The following ARID1A variants were observed in gnomAD, a reference collection of about 807,000 sequenced individuals.
ARID1A encodes the protein AT-rich interactive domain-containing protein 1A.
Under a neutral mutation model 212.6 loss-of-function variants are expected in ARID1A, and 20 were observed. The ratio of observed to expected loss-of-function variants is 0.09; its 90% confidence interval spans 0.07 to 0.14. The LOEUF is 0.14. ARID1A is among the 10% of genes least tolerant of loss of function. The probability of loss-of-function intolerance (pLI) is 1.00; values close to 1 mark genes in which losing one functional copy is unlikely to be tolerated. For synonymous variants in ARID1A, 1,376 were observed against 1,222.1 expected, an observed-to-expected ratio of 1.13 and a Z score of -2.63; for missense variants, 2,587 against 3,059.0, an observed-to-expected ratio of 0.85 and a Z score of 3.64.
chr1:26,715,037 G>T (rs2080488722), intron 1 of ARID1A, among the ~76,000 whole-genome samples: 1 of 152,184 alleles, frequency 6.6e-6, no homozygotes, highest in Admixed American at 6.5e-5. Context: ...CTATGTATTA[G>T]AGAAATTTAG....
intron 1 of ARID1A, among the ~76,000 whole-genome samples, chr1:26,705,803 T>C (rs1422285097): frequency 1.3e-5 from 2 of 152,226 alleles, no homozygotes; most frequent in Non-Finnish European, 2.9e-5. Flanking sequence ...TTCTGTTTGT[T>C]TTTGTTAGTC....
At chr1:26,712,522 TAAA>T (rs55711175) in intron 1 of ARID1A, among the ~76,000 whole-genome samples, 1 of 152,016 alleles carries the variant, frequency 6.6e-6, no homozygotes, top group Non-Finnish European at 1.5e-5. Flanking sequence ...TTGTCTCTCT[TAAA>T]AAAAATTTTT....
intron 1 of ARID1A, among the ~76,000 whole-genome samples, chr1:26,701,406 A>G (rs915393085): frequency 6.6e-6 from 1 of 152,124 alleles, no homozygotes; most frequent in East Asian, 1.9e-4. Flanking sequence ...GGTCATTATC[A>G]TTACTGACGC....
At chr1:26,761,507 C>G (rs2080992035) in intron 6 of ARID1A, 34 bp downstream of exon 6, 1 of 1,607,182 alleles carries the variant, frequency 6.2e-7, no homozygotes, top group Non-Finnish European at 8.5e-7. Context: ...GGGCAGGGAG[C>G]TAGGGCAGAC....
intron 8 of ARID1A, chr1:26,765,524 G>A (rs2081031377): frequency 6.6e-6 from 1 of 151,188 alleles, no homozygotes; most frequent in African/African-American, 2.4e-5. Context: ...TTGCTATCTA[G>A]AGCTTGAACT....
At chr1:26,708,354 G>A (rs1180374762) in intron 1 of ARID1A, among the ~76,000 whole-genome samples, 2 of 124,222 alleles carry the variant, frequency 1.6e-5, no homozygotes, top group Admixed American at 1.1e-4. Context: ...GCGTGATCTC[G>A]GCTCACTGTA....
rs568390368 is a variant in ARID1A, at chr1:26,760,783, A to G, written c.1921-73A>G. 21 of 1,471,694 alleles carry G rather than the reference A, an allele frequency of 1.4e-5. No individual in the cohort carries two copies. The African/African-American group carries it at 2.8e-4, about 20-fold the overall frequency. 91.2% of individuals were successfully genotyped at this position (1,471,694 alleles called of 1,614,324 possible). A position where few individuals can be genotyped will look rare whatever the true frequency, so the allele number is the denominator to read the frequency against. On this transcript the variant is annotated intron_variant, in intron 4 of 19. Coordinates refer to ENST00000324856, the MANE Select transcript of ARID1A (RefSeq NM_006015.6). ...GGTTGTTTAAGGAAAATGCTAAGCAAGTAGTAGGATTATTGAAAGTAGAAT... is the reference window on the plus strand; with the variant it reads ...GGTTGTTTAAGGAAAATGCTAAGCAGGTAGTAGGATTATTGAAAGTAGAAT...
intron 1 of ARID1A, among the ~76,000 whole-genome samples, chr1:26,698,757 C>T (rs1014916257): frequency 6.6e-6 from 1 of 152,102 alleles, no homozygotes; most frequent in Non-Finnish European, 1.5e-5. Flanking sequence ...ACACTGGTTG[C>T]TTTGCAGAAT....
At position 26,744,529 on chromosome 1, in the gene ARID1A, G is replaced by A. The variant is rs181531337; in HGVS notation, c.1920+11737G>A. Among the ~76,000 whole-genome samples, 124 of 152,228 alleles carry A rather than the reference G, an allele frequency of 8.1e-4. 1 individual carries two copies. The highest frequency in any genetic ancestry group is 1.4e-3 in the Non-Finnish European group (97 of 68,026). On this transcript the variant is annotated intron_variant, in intron 4 of 19. Coordinates refer to ENST00000324856, the MANE Select transcript of ARID1A (RefSeq NM_006015.6). ...ATTTTACCTTGTTTTTCAGTTTGTCGTCAGCCCTGCTGTAGGAAGTTAAGT... is the reference window on the plus strand; with the variant it reads ...ATTTTACCTTGTTTTTCAGTTTGTCATCAGCCCTGCTGTAGGAAGTTAAGT...
chr1:26,696,880 T>TGCCGTCGCC lies in ARID1A; in HGVS notation c.482_490dup (p.Val161_Ala163dup). The TGCCGTCGCC allele has an allele frequency of 7.4e-7, 1 of 1,358,384 alleles. No individual in the cohort carries two copies. The highest frequency in any genetic ancestry group is 9.5e-7 in the Non-Finnish European group (1 of 1,056,810). 84.1% of individuals were successfully genotyped at this position (1,358,384 alleles called of 1,614,324 possible). On this transcript the variant is annotated inframe_insertion, in exon 1 of 20. Coordinates refer to ENST00000324856, the MANE Select transcript of ARID1A (RefSeq NM_006015.6). Reference sequence around the variant, plus strand: ...GGCAACCCTACGGCCGGAGCCCGTCTGCCGTCGCCGCCGCCGCGGCCGCCG... The same window carrying TGCCGTCGCC: ...GGCAACCCTACGGCCGGAGCCCGTCTGCCGTCGCCGCCGTCGCCGCCGCCGCGGCCGCCG...
At chr1:26,773,522 A>G (rs779774379) in intron 15 of ARID1A, 26 bp downstream of exon 15, 3 of 1,612,262 alleles carry the variant, frequency 1.9e-6, no homozygotes, top group African/African-American at 2.7e-5. Context: ...GCTCCTGTCC[A>G]CTCCCCCAGC....
rs558794605 is a variant in ARID1A at position 26,781,921 on chromosome 1, AAC to A, written c.*1169_*1170del. The A allele has an allele frequency of 6.0e-5, 14 of 233,724 alleles. No individual in the cohort carries two copies. Among genetic ancestry groups the A allele is most frequent in the East Asian group, 1.8e-4 (3 of 16,568 alleles). The allele number at this position is 233,724 out of a possible 1,614,324, so 14.5% of individuals were successfully genotyped here. ...GGTTCAGTTGAAGTTCTGATGAAGAAACACAATTGAGATTTTTTCAGTGATAA... is the reference window on the plus strand; with the variant it reads ...GGTTCAGTTGAAGTTCTGATGAAGAAACAATTGAGATTTTTTCAGTGATAA... On this transcript the variant is annotated 3_prime_UTR_variant, in exon 20 of 20. Coordinates refer to ENST00000324856, the MANE Select transcript of ARID1A (RefSeq NM_006015.6).
intron 12 of ARID1A, 148 bp from the exon 13 acceptor site, chr1:26,772,352 T>A: frequency 1.7e-6 from 2 of 1,180,660 alleles, no homozygotes; most frequent in Non-Finnish European, 2.4e-6. Context: ...TGACCTGGCC[T>A]TGTAGATCCT....
rs557275114 is a variant in ARID1A, at chr1:26,779,442, G to A, written c.5544G>A (p.Gly1848=). 7.4e-6 allele frequency: 12 copies of A among 1,614,102 alleles called. No homozygotes were observed. The Admixed American group carries it at 8.3e-5, about 11-fold the overall frequency. Residue 1848 remains glycine, a synonymous_variant, in exon 20 of 20, where the codon GGG becomes GGA. Coordinates refer to ENST00000324856, the MANE Select transcript of ARID1A (RefSeq NM_006015.6). ...GCCTGCTGCACTGGCGGATTGGTGG[G>A]GGGGACACCACTGAGCATATCCAGA... ...DSGLLHWRIG[G]GDTTEHIQTH...
intron 4 of ARID1A, among the ~76,000 whole-genome samples, chr1:26,751,793 G>A (rs1018754226): frequency 2.0e-5 from 3 of 152,124 alleles, no homozygotes; most frequent in East Asian, 3.9e-4. Context: ...GTGTATATAG[G>A]GAGTTTCCTC....
In ARID1A at chr1:26,696,144, C is replaced by A. The variant is rs1259679410; in HGVS notation, c.-260C>A. ...TGAGCCGGGAGAGCCGGGTCCCGAG[C>A]CTACAGAGCCGGGAGCAGCTGAGCC... On this transcript the variant is annotated 5_prime_UTR_variant, in exon 1 of 20. Transcript: ENST00000324856. 1.0e-5 allele frequency: 5 copies of A among 487,456 alleles called. No individual in the cohort carries two copies. The highest frequency in any genetic ancestry group is 1.2e-5 in the Non-Finnish European group (4 of 341,400). 30.2% of individuals were successfully genotyped at this position (487,456 alleles called of 1,614,324 possible). A position where few individuals can be genotyped will look rare whatever the true frequency, so the allele number is the denominator to read the frequency against.
intron 1 of ARID1A, among the ~76,000 whole-genome samples, chr1:26,727,509 C>G (rs2124782043): frequency 6.6e-6 from 1 of 152,194 alleles, no homozygotes; most frequent in East Asian, 1.9e-4. Flanking sequence ...CTCTAGATCA[C>G]TGGTTCTTAG....
At chr1:26,718,951 A>G (rs2080531342) in intron 1 of ARID1A, among the ~76,000 whole-genome samples, 3 of 152,210 alleles carry the variant, frequency 2.0e-5, no homozygotes, top group Non-Finnish European at 4.4e-5. Flanking sequence ...CTCTCTTTCA[A>G]AATATCTTAT....
At chr1:26,728,205 A>G (rs958330631) in intron 1 of ARID1A, among the ~76,000 whole-genome samples, 4 of 152,174 alleles carry the variant, frequency 2.6e-5, no homozygotes, top group Non-Finnish European at 2.9e-5. Context: ...TCACTCACCA[A>G]TTTAGCTGAG....
Sources: gnomAD v4.1 joint callset for allele counts (sites outside exome capture counted in the v4.1 genomes callset) on GRCh38, gnomAD v4.1.1 for gene constraint, MANE v1.5 for transcripts, NCBI Gene and HGNC (gene_info 2026-07-23, HGNC 2026-07-21) for gene names.